Variants in CERS6 observed in about 807,000 individuals in gnomAD.
CERS6 encodes LAG1 homolog, ceramide synthase 6.
A neutral mutation model predicts 56.8 loss-of-function variants in CERS6; 26 were observed. The ratio of observed to expected loss-of-function variants is 0.46; its 90% CI spans 0.34 to 0.63. The LOEUF (loss-of-function observed/expected upper bound fraction) is 0.63, where lower values mean the gene tolerates loss of function less well. Among genes scored for constraint, CERS6 ranks in the 30% least tolerant of loss-of-function variants. The pLI, the probability that CERS6 is intolerant of heterozygous loss-of-function variation, is 0.01. For missense variants in CERS6, 415 were observed against 467.5 expected (o/e 0.89, Z 1.04); for synonymous variants, 164 against 173.3 (o/e 0.95, Z 0.42).
chr2:168,651,444 T>C (rs763198787), intron 4 of CERS6, among the ~76,000 whole-genome samples: 5 of 152,252 alleles, frequency 3.3e-5, no homozygotes, highest in Non-Finnish European at 7.3e-5. Context: ...TTTAAGTAAC[T>C]GTATTAGTTC....
chr2:168,682,353 G>A (rs867891557), intron 4 of CERS6, among the ~76,000 whole-genome samples: 3 of 152,168 alleles, frequency 2.0e-5, no homozygotes, highest in Non-Finnish European at 4.4e-5. Context: ...ATTACTCAGA[G>A]ATTACCACTA....
chr2:168,684,095 G>A (rs758289049), intron 4 of CERS6, among the ~76,000 whole-genome samples: 3 of 152,136 alleles, frequency 2.0e-5, no homozygotes, highest in Non-Finnish European at 4.4e-5. Context: ...ATGTGGTAAA[G>A]GCACATGCTA....
intron 4 of CERS6, among the ~76,000 whole-genome samples, chr2:168,659,669 T>C (rs1053019684): frequency 1.4e-4 from 22 of 152,166 alleles, no homozygotes; most frequent in African/African-American, 3.6e-4. Flanking sequence ...TTTGATCATA[T>C]TGTCTGTATT....
At chr2:168,485,396 A>G (rs1680616675) in intron 1 of CERS6, among the ~76,000 whole-genome samples, 2 of 152,172 alleles carry the variant, frequency 1.3e-5, no homozygotes, top group South Asian at 2.1e-4. Flanking sequence ...TTTGTGTTGT[A>G]CGTTCCATGA....
chr2:168,558,665 C>T (rs543104373), intron 2 of CERS6, among the ~76,000 whole-genome samples: 78 of 152,260 alleles, frequency 5.1e-4, no homozygotes, highest in Non-Finnish European at 8.2e-4. Flanking sequence ...GTCAGGAGAT[C>T]GAGACCATCC....
At chr2:168,668,023 C>T (rs1288268241) in intron 4 of CERS6, among the ~76,000 whole-genome samples, 2 of 152,120 alleles carry the variant, frequency 1.3e-5, no homozygotes, top group Non-Finnish European at 2.9e-5. Flanking sequence ...AGGTGGAGGG[C>T]AGATCGTAAG....
chr2:168,620,340 G>A (rs1335756532), intron 3 of CERS6, among the ~76,000 whole-genome samples: 1 of 151,906 alleles, frequency 6.6e-6, no homozygotes, highest in Non-Finnish European at 1.5e-5. Flanking sequence ...CTTGGGTGAT[G>A]GGTGCACCAA....
At chr2:168,555,419 TAGAACA>T (rs1695657370) in intron 2 of CERS6, among the ~76,000 whole-genome samples, 1 of 151,934 alleles carries the variant, frequency 6.6e-6, no homozygotes, top group South Asian at 2.1e-4. Flanking sequence ...GGTTAAACAT[TAGAACA>T]AGAACAACAA....
intron 1 of CERS6, among the ~76,000 whole-genome samples, chr2:168,473,092 C>T (rs1165206578): frequency 1.3e-5 from 2 of 151,922 alleles, no homozygotes; most frequent in Non-Finnish European, 2.9e-5. Context: ...TTCCTTTTAT[C>T]CTTCTCTTCT....
intron 9 of CERS6, 91 bp from the exon 10 acceptor site, chr2:168,769,419 T>G (rs1574233502): frequency 8.6e-7 from 1 of 1,159,846 alleles, no homozygotes; most frequent in Admixed American, 2.9e-5. Flanking sequence ...GGGATCTGTT[T>G]CCCCTTGTGT....
chr2:168,720,123 T>C (rs928343568), intron 8 of CERS6, among the ~76,000 whole-genome samples: 2 of 151,282 alleles, frequency 1.3e-5, no homozygotes, highest in Admixed American at 6.6e-5. Context: ...AGAGACGAGG[T>C]TTCACCATGT....
chr2:168,693,071 T>C (rs927553169), intron 5 of CERS6, among the ~76,000 whole-genome samples: 6 of 152,186 alleles, frequency 3.9e-5, no homozygotes, highest in Non-Finnish European at 7.4e-5. Context: ...CATGTGTATA[T>C]TCTAAGTTTA....
At chr2:168,532,595 A>C (rs2105363337) in intron 1 of CERS6, among the ~76,000 whole-genome samples, 1 of 152,162 alleles carries the variant, frequency 6.6e-6, no homozygotes, top group Middle Eastern at 3.4e-3. Context: ...AGTTAGCTAA[A>C]TTGTAGCTGT....
chr2:168,750,312 A>C (rs1684225092), intron 8 of CERS6, among the ~76,000 whole-genome samples: 1 of 131,984 alleles, frequency 7.6e-6, no homozygotes, highest in African/African-American at 2.5e-5. Flanking sequence ...TAATATTTAT[A>C]TGATTACATA....
chr2:168,464,572 G>A (rs1042472216), intron 1 of CERS6, among the ~76,000 whole-genome samples: 7 of 152,052 alleles, frequency 4.6e-5, no homozygotes, highest in Non-Finnish European at 8.8e-5. Context: ...CACTCAAGAG[G>A]ATGATGAAGT....
chr2:168,549,553 T>C (rs1695528404), intron 2 of CERS6, among the ~76,000 whole-genome samples: 1 of 152,140 alleles, frequency 6.6e-6, no homozygotes, highest in Admixed American at 6.5e-5. Context: ...GAGAATGGCT[T>C]GAACCCAGGA....
chr2:168,710,544 C>T (rs138865461), intron 6 of CERS6, among the ~76,000 whole-genome samples: 5 of 152,252 alleles, frequency 3.3e-5, no homozygotes, highest in East Asian at 3.9e-4. Flanking sequence ...GTAAGCTCTA[C>T]GTTAATGGAT....
At chr2:168,545,126 C>CAT (rs1298797815) in intron 1 of CERS6, among the ~76,000 whole-genome samples, 2 of 151,852 alleles carry the variant, frequency 1.3e-5, no homozygotes, top group South Asian at 2.1e-4. Context: ...TGTAGAAACA[C>CAT]ACACATGTAT....
chr2:168,457,039 C>T (rs1056368627), intron 1 of CERS6, among the ~76,000 whole-genome samples: 1 of 152,208 alleles, frequency 6.6e-6, no homozygotes, highest in African/African-American at 2.4e-5. Context: ...ACCTGACAGC[C>T]AGGAACGTTC....
Sources: gnomAD v4.1 joint callset for allele counts (sites outside exome capture counted in the v4.1 genomes callset) on GRCh38, gnomAD v4.1.1 for gene constraint, MANE v1.5 for transcripts, NCBI Gene and HGNC (gene_info 2026-07-23, HGNC 2026-07-21) for gene names.